The following NAALADL2 variants were observed in gnomAD, a reference collection of about 807,000 sequenced individuals.
NAALADL2 encodes the protein inactive N-acetylated-alpha-linked acidic dipeptidase-like protein 2.
NAALADL2 carries 76 observed loss-of-function variants against 87.2 expected under a neutral mutation model. The observed-to-expected ratio is 0.87, with a 90% CI of 0.72 to 1.05. The LOEUF (loss-of-function observed/expected upper bound fraction) is 1.05, where lower values mean the gene tolerates loss of function less well. Ranked by LOEUF, NAALADL2 falls within the 50% of genes least tolerant of loss-of-function variation. The probability of loss-of-function intolerance (pLI) is 0.00; values close to 1 mark genes in which losing one functional copy is unlikely to be tolerated. For missense variants in NAALADL2, 1,089 were observed against 945.8 expected (o/e 1.15, Z -1.99); for synonymous variants, 354 against 331.0 (o/e 1.07, Z -0.75).
rs563892267 is a variant in NAALADL2, at chr3:174,613,503, A to G, written c.-115+62866A>G. On this transcript the variant is annotated intron_variant, in intron 2 of 3. Transcript: ENST00000434257. ...GCTGGCACTCAGAGTACAAGATGCA[A>G]TCCTTTCCACTCTTTCCTCTTCTTT... Among the ~76,000 whole-genome samples, 20 of 152,206 alleles carry G rather than the reference A, an allele frequency of 1.3e-4. 1 individual carries two copies. Among genetic ancestry groups the G allele is most frequent in the Admixed American group, 7.9e-4 (12 of 15,286 alleles).
At chr3:174,822,136 C>A (rs2109335132) in intron 3 of NAALADL2, among the ~76,000 whole-genome samples, 1 of 150,812 alleles carries the variant, frequency 6.6e-6, no homozygotes, top group African/African-American at 2.5e-5. Flanking sequence ...ACTAGGTACA[C>A]AGAAATAGTT....
At chr3:174,809,798 T>C (rs1719952763) in intron 3 of NAALADL2, among the ~76,000 whole-genome samples, 1 of 152,218 alleles carries the variant, frequency 6.6e-6, no homozygotes, top group Admixed American at 6.5e-5. Context: ...TCATGTTCAC[T>C]TGCAATCCCA....
At chr3:174,640,640 T>A (rs1376902041) in intron 2 of NAALADL2, among the ~76,000 whole-genome samples, 1 of 152,182 alleles carries the variant, frequency 6.6e-6, no homozygotes, top group Admixed American at 6.5e-5. Flanking sequence ...AAGGCTTGGA[T>A]AGAGCCAATC....
At chr3:174,558,708 T>C (rs1208085593) in intron 2 of NAALADL2, among the ~76,000 whole-genome samples, 1 of 152,168 alleles carries the variant, frequency 6.6e-6, no homozygotes, top group East Asian at 1.9e-4. Flanking sequence ...TTAGCTGCTG[T>C]TCACCTCCTG....
At chr3:175,523,808 A>T (rs1448839636) in intron 9 of NAALADL2, among the ~76,000 whole-genome samples, 2 of 152,228 alleles carry the variant, frequency 1.3e-5, no homozygotes, top group African/African-American at 4.8e-5. Flanking sequence ...GGTAATCGGT[A>T]TGAGTCAGGG....
intron 5 of NAALADL2, among the ~76,000 whole-genome samples, chr3:175,377,386 G>GT (rs1176482016): frequency 2.6e-5 from 4 of 152,086 alleles, no homozygotes; most frequent in South Asian, 2.1e-4. Flanking sequence ...GATATTATCA[G>GT]TTTTTTTTAA....
At chr3:174,866,459 T>A (rs958321411) in intron 1 of NAALADL2, among the ~76,000 whole-genome samples, 3 of 151,832 alleles carry the variant, frequency 2.0e-5, no homozygotes, top group Non-Finnish European at 4.4e-5. Flanking sequence ...AAATATAGAT[T>A]GTACAAGATC....
chr3:175,373,458 CA>C (rs1206164775), intron 5 of NAALADL2, among the ~76,000 whole-genome samples: 1 of 152,078 alleles, frequency 6.6e-6, no homozygotes, highest in Non-Finnish European at 1.5e-5. Context: ...TTTTGCTCAG[CA>C]TGTTTTTAAA....
rs1181558796 is a variant in NAALADL2 at position 174,996,667 on chromosome 3, G to A, written c.44-100123G>A. Among the ~76,000 whole-genome samples, 5 of 152,056 alleles carry A rather than the reference G, an allele frequency of 3.3e-5. No homozygotes were observed. In the East Asian group the frequency reaches 7.7e-4, roughly 23 times the overall value. ...TTCTTTTATTTCAACAGTTTTGGGG[G>A]TTCAAGTGGTTTTTGGTTACATGGT... On this transcript the variant is annotated intron_variant, in intron 1 of 13. Transcript: ENST00000454872.
chr3:175,091,226 A>G (rs1246327077), intron 1 of NAALADL2, among the ~76,000 whole-genome samples: 1 of 152,116 alleles, frequency 6.6e-6, no homozygotes, highest in African/African-American at 2.4e-5. Flanking sequence ...GGTACTATGT[A>G]GTTCACTGTT....
chr3:175,675,287 A>ATGGTAC (rs1238623230), intron 11 of NAALADL2: 2 of 152,196 alleles, frequency 1.3e-5, no homozygotes, highest in Admixed American at 1.3e-4. Context: ...CCATTATGTA[A>ATGGTAC]TTTGCTACAT....
rs1198367056 is a variant in NAALADL2, at chr3:175,809,727, T to C, written c.*6524T>C. On this transcript the variant is annotated 3_prime_UTR_variant, in exon 14 of 14. Coordinates refer to ENST00000454872, the MANE Select transcript of NAALADL2 (RefSeq NM_207015.3). ...GGAAAAGAAAGTCACATGCTGTTGATAGTAGTTTTATATGTATTTGGAATG... is the reference window on the plus strand; with the variant it reads ...GGAAAAGAAAGTCACATGCTGTTGACAGTAGTTTTATATGTATTTGGAATG... 2.0e-5 allele frequency: 3 copies of C among 151,724 alleles called. No individual in the cohort carries two copies. The highest frequency in any genetic ancestry group is 2.9e-5 in the Non-Finnish European group (2 of 67,864). 9.4% of individuals were successfully genotyped at this position (151,724 alleles called of 1,614,324 possible).
intron 2 of NAALADL2, among the ~76,000 whole-genome samples, chr3:175,203,784 T>C (rs1740422230): frequency 2.0e-5 from 3 of 152,054 alleles, no homozygotes; most frequent in Admixed American, 2.0e-4. Context: ...ACCACTGAAA[T>C]ACAAAAGATC....
At chr3:175,640,375 T>A (rs1729121172) in intron 11 of NAALADL2, among the ~76,000 whole-genome samples, 1 of 152,198 alleles carries the variant, frequency 6.6e-6, no homozygotes, top group Non-Finnish European at 1.5e-5. Flanking sequence ...TTGGTGTTTT[T>A]TTCCCTCATG....
intron 1 of NAALADL2, among the ~76,000 whole-genome samples, chr3:174,913,807 T>C (rs1001190031): frequency 6.6e-6 from 1 of 152,134 alleles, no homozygotes; most frequent in African/African-American, 2.4e-5. Context: ...TCATTTTGTG[T>C]ATTGAAAATT....
chr3:174,853,693 A>G (rs1026656479), intron 3 of NAALADL2, among the ~76,000 whole-genome samples: 1 of 152,196 alleles, frequency 6.6e-6, no homozygotes, highest in African/African-American at 2.4e-5. Context: ...GCAATAAAAA[A>G]AAATCTGATT....
At chr3:174,660,029 TATA>T (rs1427950761) in intron 2 of NAALADL2, among the ~76,000 whole-genome samples, 1 of 152,198 alleles carries the variant, frequency 6.6e-6, no homozygotes, top group African/African-American at 2.4e-5. Context: ...ATATACAGAA[TATA>T]ATAAACACTT....
chr3:175,433,533 G>A (rs1718127435), intron 5 of NAALADL2, among the ~76,000 whole-genome samples: 2 of 151,948 alleles, frequency 1.3e-5, no homozygotes, highest in African/African-American at 2.4e-5. Context: ...AGGACCATTA[G>A]CGCTATACTA....
intron 9 of NAALADL2, among the ~76,000 whole-genome samples, chr3:175,526,352 T>C (rs1245044084): frequency 6.6e-6 from 1 of 152,206 alleles, no homozygotes; most frequent in South Asian, 2.1e-4. Context: ...GTTAAATAAT[T>C]GGAAGGAGGA....
Sources: gnomAD v4.1 joint callset for allele counts (sites outside exome capture counted in the v4.1 genomes callset) on GRCh38, gnomAD v4.1.1 for gene constraint, MANE v1.5 for transcripts, NCBI Gene and HGNC (gene_info 2026-07-23, HGNC 2026-07-21) for gene names.